The following SPNS3 variants were observed in gnomAD, a reference collection of about 807,000 sequenced individuals.
SPNS3 encodes SPNS lysolipid transporter 3, sphingosine-1-phosphate (putative).
A neutral mutation model predicts 54.4 loss-of-function variants in SPNS3; 51 were observed. That is an observed-to-expected ratio of 0.94 (90% CI 0.75 to 1.18). SPNS3 has a LOEUF of 1.18. Among genes scored for constraint, SPNS3 ranks in the 50% most tolerant of loss-of-function variants. The pLI, the probability that SPNS3 is intolerant of heterozygous loss-of-function variation, is 0.00. For synonymous variants in SPNS3, 309 were observed against 294.7 expected (o/e 1.05, Z -0.50); for missense variants, 669 against 677.4 (o/e 0.99, Z 0.14).
chr17:4,437,660 C>T (rs1597298391), intron 1 of SPNS3, among the ~76,000 whole-genome samples: 1 of 143,630 alleles, frequency 7.0e-6, no homozygotes, highest in African/African-American at 2.6e-5. Flanking sequence ...TAGTGAGATT[C>T]AGTCTCAAAA....
intron 8 of SPNS3, among the ~76,000 whole-genome samples, chr17:4,463,788 G>A (rs944244703): frequency 1.3e-5 from 2 of 151,104 alleles, no homozygotes; most frequent in African/African-American, 4.9e-5. Flanking sequence ...CATTTAGCAT[G>A]AACATGCTAA....
chr17:4,443,026 T>C (rs1970892177), intron 2 of SPNS3, among the ~76,000 whole-genome samples: 1 of 152,122 alleles, frequency 6.6e-6, no homozygotes, highest in African/African-American at 2.4e-5. Flanking sequence ...GATCCCTGCA[T>C]GTGAGGAATA....
chr17:4,457,748 C>G (rs78370685), intron 8 of SPNS3, among the ~76,000 whole-genome samples: 3 of 152,064 alleles, frequency 2.0e-5, no homozygotes, highest in Admixed American at 1.3e-4. Context: ...CTGCCCCCCC[C>G]TCACCCCCTG....
chr17:4,436,598 C>T (rs1970724262), intron 1 of SPNS3, among the ~76,000 whole-genome samples: 1 of 152,088 alleles, frequency 6.6e-6, no homozygotes, highest in East Asian at 1.9e-4. Flanking sequence ...AAGATCTTAT[C>T]TAAACCCCTA....
chr17:4,483,916 C>T lies in SPNS3; in HGVS notation c.1180-2312C>T, dbSNP rs1391916412. 6.6e-6 allele frequency among the ~76,000 whole-genome samples: 1 copy of T among 152,232 alleles called. No homozygotes were observed. Among genetic ancestry groups the T allele is most frequent in the East Asian group, 1.9e-4 (1 of 5,200 alleles). On this transcript the variant is annotated intron_variant, in intron 9 of 11. Transcript: ENST00000355530. The surrounding 1 kb of genome is among the most constrained non-coding windows in gnomAD (Gnocchi z 4.2). Reference sequence around the variant, plus strand: ...TCGTGTCCCTGGGATCCTCCCTCCACACCGTCGCTTACACTGTCCCCTGCC... The same window carrying T: ...TCGTGTCCCTGGGATCCTCCCTCCATACCGTCGCTTACACTGTCCCCTGCC...
chr17:4,463,544 A>G (rs1971597012), intron 8 of SPNS3, among the ~76,000 whole-genome samples: 1 of 152,036 alleles, frequency 6.6e-6, no homozygotes, highest in African/African-American at 2.4e-5. Context: ...CCTGGCCAAC[A>G]TGCTCTCTCC....
chr17:4,479,091 C>T (rs1567575295), intron 9 of SPNS3, among the ~76,000 whole-genome samples: 4 of 152,126 alleles, frequency 2.6e-5, no homozygotes, highest in African/African-American at 2.4e-5. Context: ...TACAGGCACC[C>T]GCCACCATGC....
intron 8 of SPNS3, among the ~76,000 whole-genome samples, chr17:4,469,087 CT>C (rs1352035059): frequency 6.6e-6 from 1 of 151,592 alleles, no homozygotes; most frequent in Non-Finnish European, 1.5e-5. Context: ...TGCGCCCGGC[CT>C]CGGACCTGTT....
At position 4,486,215 on chromosome 17, in the gene SPNS3, CTA is replaced by C. The variant is rs752653738; in HGVS notation, c.1180-11_1180-10del. On this transcript the variant is annotated splice_polypyrimidine_tract_variant and intron_variant, in intron 9 of 11. Coordinates refer to ENST00000355530, the MANE Select transcript of SPNS3 (RefSeq NM_182538.5). This position sits in a 1 kb window ranked among gnomAD's most constrained non-coding sequence, Gnocchi z 5.5. ...CACTTGGGGTGCCCCCCTGCTGTGC[CTA>C]TGTTTTGCAGTCTGTGGTGGTGCCC... 5.6e-5 allele frequency: 86 copies of C among 1,528,494 alleles called. No homozygotes were observed. Among genetic ancestry groups the C allele is most frequent in the Non-Finnish European group, 6.7e-5 (77 of 1,140,746 alleles). 94.7% of individuals were successfully genotyped at this position (1,528,494 alleles called of 1,614,324 possible). A position where few individuals can be genotyped will look rare whatever the true frequency, so the allele number is the denominator to read the frequency against.
chr17:4,449,269 G>T lies in SPNS3; in HGVS notation c.805G>T (p.Ala269Ser). The change falls in exon 7 of 12, where the codon GCC becomes TCC. Residue 269 changes from alanine (A) to serine (S), a missense_variant. Ala to Ser is a moderately conservative substitution (Grantham distance 99, BLOSUM62 1). Coordinates refer to ENST00000355530, the MANE Select transcript of SPNS3 (RefSeq NM_182538.5). ...SFVWSTLGVTAMAFVTGALGF... is the reference protein window; with the variant it reads ...SFVWSTLGVTSMAFVTGALGF... ...CGTGTGGTCGACCCTCGGAGTGACC[G>T]CCATGGCCTTTGTGACTGGAGCCCT... 3.1e-6 allele frequency: 5 copies of T among 1,612,308 alleles called. No individual in the cohort carries two copies. The highest frequency in any genetic ancestry group is 1.7e-4 in the Middle Eastern group (1 of 6,058).
intron 8 of SPNS3, among the ~76,000 whole-genome samples, chr17:4,475,425 A>T (rs1971964640): frequency 6.6e-6 from 1 of 152,224 alleles, no homozygotes; most frequent in South Asian, 2.1e-4. Flanking sequence ...GGCAGGAGGA[A>T]GAGGCAGATT....
intron 8 of SPNS3, among the ~76,000 whole-genome samples, chr17:4,458,588 C>CTTT (rs1971392123): frequency 3.4e-5 from 2 of 59,258 alleles, no homozygotes; most frequent in African/African-American, 6.1e-5. Context: ...TTCCTTCCCT[C>CTTT]CTTTCTTTCT....
intron 2 of SPNS3, among the ~76,000 whole-genome samples, chr17:4,440,155 C>A (rs370938362): frequency 2.4e-4 from 36 of 152,144 alleles, no homozygotes; most frequent in African/African-American, 2.4e-5. Flanking sequence ...CACATCCCCC[C>A]ACATGGGCTC....
intron 8 of SPNS3, among the ~76,000 whole-genome samples, chr17:4,471,695 G>A (rs1488202810): frequency 6.7e-6 from 1 of 149,744 alleles, no homozygotes; most frequent in Non-Finnish European, 1.5e-5. Flanking sequence ...CAAACTCCTC[G>A]GCTCAAGTGA....
chr17:4,445,990 TC>T, intron 3 of SPNS3, 57 bp from the exon 4 acceptor site: 1 of 1,540,212 alleles, frequency 6.5e-7, no homozygotes, highest in Non-Finnish European at 8.8e-7. Context: ...AACCCTCGGG[TC>T]CCTGGCCCTA....
At chr17:4,480,242 CTT>C (rs1161165730) in intron 9 of SPNS3, among the ~76,000 whole-genome samples, 1 of 152,218 alleles carries the variant, frequency 6.6e-6, no homozygotes, top group African/African-American at 2.4e-5. Flanking sequence ...AGACAGGAGA[CTT>C]GGGCTCCAGC....
rs201626302 is a variant in SPNS3, at chr17:4,487,868, G to A, written c.1513G>A (p.Ala505Thr). 61 of 1,614,046 alleles carry A rather than the reference G, an allele frequency of 3.8e-5. No homozygotes were observed. The highest frequency in any genetic ancestry group is 1.6e-4 in the Middle Eastern group (1 of 6,062). ...DLERQGLLSG[A>T]GASTEEP The stretch of plus-strand genomic sequence containing the variant: ...GGAGAGACAAGGCCTACTTTCGGGC[G>A]CTGGCGCCTCTACAGAGGAGCCCTG... The change falls in exon 12 of 12, where the codon GCT becomes ACT. Residue 505 changes from alanine to threonine, a missense_variant. Physicochemically the swap from Ala to Thr is moderately conservative, Grantham distance 58 (BLOSUM62 0). Coordinates refer to ENST00000355530, the MANE Select transcript of SPNS3 (RefSeq NM_182538.5).
rs1192646353 is a variant in SPNS3, at chr17:4,486,570, G to A, written c.1437G>A (p.Trp479Ter). The A allele has an allele frequency of 1.2e-6, 2 of 1,612,054 alleles. No homozygotes were observed. The highest frequency in any genetic ancestry group is 1.3e-5 in the African/African-American group (1 of 74,906). Residue 479 changes from tryptophan (W) to a stop codon, truncating the protein, a stop_gained, in exon 11 of 12, where the codon TGG (tryptophan) becomes TGA (stop). Transcript: ENST00000355530. LOFTEE classifies it low-confidence loss of function (END_TRUNC). This position sits in a 1 kb window ranked among gnomAD's most constrained non-coding sequence, Gnocchi z 5.5. ...LYLERDETRA[W>*]QPVTGTPDSN... ...TGGAGAGAGACGAGACCCGGGCCTG[G>A]CAGCCTGTCACAGGTACCCTACCCA...
chr17:4,452,493 C>T (rs971996602), intron 7 of SPNS3, among the ~76,000 whole-genome samples: 5 of 151,772 alleles, frequency 3.3e-5, no homozygotes, highest in South Asian at 2.1e-4. Flanking sequence ...GGTTCAAAGA[C>T]GGGGAGTGGA....
Sources: allele counts gnomAD v4.1 joint callset (sites outside exome capture counted in the v4.1 genomes callset), GRCh38; gene constraint gnomAD v4.1.1; non-coding constraint Gnocchi (gnomAD v3.1); transcripts MANE v1.5; gene names NCBI Gene and HGNC (gene_info 2026-07-23, HGNC 2026-07-21).